Variants in ZMPSTE24 observed in about 807,000 individuals in gnomAD.
The protein encoded by ZMPSTE24 is zinc metallopeptidase STE24, also known as CAAX prenyl protease 1 homolog.
Under a neutral mutation model 56.7 loss-of-function variants are expected in ZMPSTE24, and 48 were observed. The observed-to-expected ratio is 0.85, with a 90% CI of 0.67 to 1.08. The LOEUF (loss-of-function observed/expected upper bound fraction) is 1.08, where lower values mean the gene tolerates loss of function less well. Ranked by LOEUF, ZMPSTE24 falls within the 50% of genes least tolerant of loss-of-function variation. The pLI, the probability that ZMPSTE24 is intolerant of heterozygous loss-of-function variation, is 0.00. For synonymous variants in ZMPSTE24, 172 were observed against 195.2 expected, an observed-to-expected ratio of 0.88 and a Z score of 0.99; for missense variants, 503 against 548.7, an observed-to-expected ratio of 0.92 and a Z score of 0.83.
At chr1:40,261,064 C>T in intron 2 of ZMPSTE24, 79 bp downstream of exon 2, 2 of 1,540,322 alleles carry the variant, frequency 1.3e-6, no homozygotes, top group Non-Finnish European at 1.8e-6. Flanking sequence ...AAGAGGGTAC[C>T]ACACTTACAA....
rs369946747 is a variant in ZMPSTE24, at chr1:40,265,568, T to C, written c.271-2218T>C. Among the ~76,000 whole-genome samples, 12 of 152,206 alleles carry C rather than the reference T, an allele frequency of 7.9e-5. 1 individual carries two copies. Among genetic ancestry groups the C allele is most frequent in the East Asian group, 3.9e-4 (2 of 5,184 alleles). On this transcript the variant is annotated intron_variant, in intron 2 of 9. Coordinates refer to ENST00000372759, the MANE Select transcript of ZMPSTE24 (RefSeq NM_005857.5). Reference sequence around the variant, plus strand: ...AATTAAAATTAGCCAAGTATGGTGGTGCATACAGTCCTGGCTACTTGGGGG... The same window carrying C: ...AATTAAAATTAGCCAAGTATGGTGGCGCATACAGTCCTGGCTACTTGGGGG...
chr1:40,292,268 G>A (rs1332460848), intron 9 of ZMPSTE24, among the ~76,000 whole-genome samples, 177 bp from the exon 10 acceptor site: 1 of 152,090 alleles, frequency 6.6e-6, no homozygotes, highest in Non-Finnish European at 1.5e-5. Context: ...GCTTGGGGGA[G>A]AATAAGGCTC....
intron 2 of ZMPSTE24, among the ~76,000 whole-genome samples, chr1:40,265,524 A>C (rs753122885): frequency 1.3e-5 from 2 of 152,166 alleles, no homozygotes; most frequent in African/African-American, 2.4e-5. Context: ...CAACATAGTG[A>C]GACCCCATCT....
At chr1:40,271,308 G>A (rs917916599) in intron 5 of ZMPSTE24, among the ~76,000 whole-genome samples, 5 of 152,156 alleles carry the variant, frequency 3.3e-5, no homozygotes, top group African/African-American at 4.8e-5. Context: ...GAAAATGGGC[G>A]CTAGTTGGAT....
Position 40,263,098 on chromosome 1 carries a change from G to T in ZMPSTE24, c.270+2113G>T, listed in dbSNP as rs1643514934. On this transcript the variant is annotated intron_variant, in intron 2 of 9. Transcript: ENST00000372759. ...TTTTCAATCTCCTTGGTTGTCCCTGGTAAATAGTGCCAGGAAAGATAGACA... is the reference window on the plus strand; with the variant it reads ...TTTTCAATCTCCTTGGTTGTCCCTGTTAAATAGTGCCAGGAAAGATAGACA... 5 of 618,990 alleles carry T rather than the reference G, an allele frequency of 8.1e-6. No individual in the cohort carries two copies. The South Asian group carries it at 2.9e-4, about 36-fold the overall frequency. 38.3% of individuals were successfully genotyped at this position (618,990 alleles called of 1,614,324 possible). A position where few individuals can be genotyped will look rare whatever the true frequency, so the allele number is the denominator to read the frequency against.
intron 2 of ZMPSTE24, among the ~76,000 whole-genome samples, chr1:40,261,687 G>T (rs752467535): frequency 2.0e-5 from 3 of 151,898 alleles, no homozygotes; most frequent in Non-Finnish European, 4.4e-5. Context: ...ATAATGTGGG[G>T]TTTTTTTGTT....
chr1:40,269,129 G>C (rs1437779531), intron 4 of ZMPSTE24, among the ~76,000 whole-genome samples: 2 of 151,628 alleles, frequency 1.3e-5, no homozygotes, highest in African/African-American at 2.4e-5. Flanking sequence ...GGGTACAGTG[G>C]CTCACGCCTG....
chr1:40,285,761 CAT>C (rs1241605670), intron 7 of ZMPSTE24, among the ~76,000 whole-genome samples, 162 bp from the exon 8 acceptor site: 1 of 152,066 alleles, frequency 6.6e-6, no homozygotes, highest in African/African-American at 2.4e-5. Context: ...CCCACTGTCT[CAT>C]GTGGAGCAGT....
In ZMPSTE24 at chr1:40,268,637, T is replaced by C. The variant is rs780312763; in HGVS notation, c.474+102T>C. On this transcript the variant is annotated intron_variant, in intron 4 of 9. Coordinates refer to ENST00000372759, the MANE Select transcript of ZMPSTE24 (RefSeq NM_005857.5). ...AAACATAATTTACTATTTCAGAGTA[T>C]GAATTGAGAAAAAAGGGAACTACAG... The C allele has an allele frequency of 4.7e-4, 387 of 824,644 alleles. 3 individuals are homozygous for C. The Middle Eastern group carries it at 6.1e-3, about 13-fold the overall frequency. 51.1% of individuals were successfully genotyped at this position (824,644 alleles called of 1,614,324 possible).
intron 2 of ZMPSTE24, among the ~76,000 whole-genome samples, chr1:40,264,436 A>G (rs1451297763): frequency 1.3e-5 from 2 of 152,226 alleles, no homozygotes; most frequent in Admixed American, 6.5e-5. Context: ...ATGAAGCTCA[A>G]TGCGTAGGAA....
intron 8 of ZMPSTE24, among the ~76,000 whole-genome samples, chr1:40,287,700 T>TA (rs35042944): frequency 0.091 from 13,757 of 150,756 alleles, 711 homozygotes; most frequent in South Asian, 0.15. Context: ...AGTTGCCATA[T>TA]ATTCATTGGA....
rs1191761140 is a variant in ZMPSTE24, at chr1:40,273,521, A to C, written c.769+1486A>C. On this transcript the variant is annotated intron_variant, in intron 6 of 9. Coordinates refer to ENST00000372759, the MANE Select transcript of ZMPSTE24 (RefSeq NM_005857.5). ...AACAAGAGCCAAATTCTGTCTAAAA[A>C]AAAAAAAAAAAAAAAAATATATATA... Among the ~76,000 whole-genome samples the C allele has an allele frequency of 6.7e-4, 40 of 59,724 alleles. 2 individuals are homozygous for C. Among genetic ancestry groups the C allele is most frequent in the East Asian group, 5.8e-3 (11 of 1,910 alleles). 39.2% of individuals were successfully genotyped at this position (59,724 alleles called of 152,430 possible).
At chr1:40,263,708 C>G (rs1176015725) in intron 2 of ZMPSTE24, among the ~76,000 whole-genome samples, 1 of 147,864 alleles carries the variant, frequency 6.8e-6, no homozygotes, top group Non-Finnish European at 1.5e-5. Context: ...TCACAGAGAT[C>G]AAGTGAGAAG....
chr1:40,273,568 A>ATATG (rs1188336076), intron 6 of ZMPSTE24, among the ~76,000 whole-genome samples: 1 of 126,370 alleles, frequency 7.9e-6, no homozygotes, highest in Non-Finnish European at 1.6e-5. Flanking sequence ...ATATATATAT[A>ATATG]TGTCAGACAT....
At position 40,293,576 on chromosome 1, in the gene ZMPSTE24, A is replaced by C. The variant is rs947260566; in HGVS notation, c.*907A>C. ...TAAGCGACATAAGGATGAAATACTG[A>C]TGAATCTCTGTGACATTACAGGGAA... is the stretch of plus-strand genomic sequence containing the variant. On this transcript the variant is annotated 3_prime_UTR_variant, in exon 10 of 10. Transcript: ENST00000372759. 2 of 152,232 alleles carry C rather than the reference A, an allele frequency of 1.3e-5. No individual in the cohort carries two copies. The highest frequency in any genetic ancestry group is 1.3e-4 in the Admixed American group (2 of 15,282). The allele number at this position is 152,232 out of a possible 1,614,324, so 9.4% of individuals were successfully genotyped here.
Position 40,258,314 on chromosome 1 carries a change from G to A in ZMPSTE24, c.43G>A (p.Ala15Thr). The change falls in exon 1 of 10, where the codon GCC (alanine) becomes ACC (threonine). Residue 15 changes from alanine to threonine, a missense_variant. Coordinates refer to ENST00000372759, the MANE Select transcript of ZMPSTE24 (RefSeq NM_005857.5). ...ASLDALWEMP[A>T]EKRIFGAVLL... is the part of the protein sequence containing the mutation. ...GCTGGACGCTTTGTGGGAGATGCCG[G>A]CCGAGAAGCGTATCTTCGGGGCCGT... is the stretch of plus-strand genomic sequence containing the variant. The A allele has an allele frequency of 1.2e-6, 2 of 1,614,160 alleles. No homozygotes were observed. Among genetic ancestry groups the A allele is most frequent in the East Asian group, 2.2e-5 (1 of 44,882 alleles).
At chr1:40,258,844 A>G (rs547407233) in intron 1 of ZMPSTE24, among the ~76,000 whole-genome samples, 1 of 141,086 alleles carries the variant, frequency 7.1e-6, no homozygotes, top group South Asian at 2.1e-4. Flanking sequence ...TTTCTGCTTG[A>G]AAAAACAAAC....
At chr1:40,286,465 G>T (rs528125009) in intron 8 of ZMPSTE24, among the ~76,000 whole-genome samples, 1 of 152,228 alleles carries the variant, frequency 6.6e-6, no homozygotes, top group South Asian at 2.1e-4. Context: ...CTGTCACCCA[G>T]ACTGGAGTGC....
At position 40,282,283 on chromosome 1, in the gene ZMPSTE24, G is replaced by A. The variant is rs375303549; in HGVS notation, c.954+756G>A. ...AGAAAGCTGCTTCTGAATCCTTTTC[G>A]TGGATAAGATTGACTGATATTGATT... is the stretch of plus-strand genomic sequence containing the variant. On this transcript the variant is annotated intron_variant, in intron 7 of 9. Transcript: ENST00000372759. Among the ~76,000 whole-genome samples, 8 of 152,156 alleles carry A rather than the reference G, an allele frequency of 5.3e-5. No individual in the cohort carries two copies. The East Asian group carries it at 9.6e-4, about 18-fold the overall frequency.
Sources: gnomAD v4.1 joint callset for allele counts (sites outside exome capture counted in the v4.1 genomes callset) on GRCh38, gnomAD v4.1.1 for gene constraint, MANE v1.5 for transcripts, NCBI Gene and HGNC (gene_info 2026-07-23, HGNC 2026-07-21) for gene names.